The following WWC2 variants were observed in gnomAD, a reference collection of about 807,000 sequenced individuals.
The protein encoded by WWC2 is WW and C2 domain containing 2, also known as protein WWC2.
WWC2 carries 101 observed loss-of-function variants against 138.5 expected under a neutral mutation model. That is an observed-to-expected ratio of 0.73 (90% CI 0.62 to 0.86). The LOEUF is 0.86. Among genes scored for constraint, WWC2 ranks in the 40% least tolerant of loss-of-function variants. The pLI, the probability that WWC2 is intolerant of heterozygous loss-of-function variation, is 0.00. For synonymous variants in WWC2, 558 were observed against 538.4 expected (o/e 1.04, Z -0.50); for missense variants, 1,420 against 1,419.4 (o/e 1.00, Z -0.01).
chr4:183,166,145 C>G (rs1580004916), intron 1 of WWC2, among the ~76,000 whole-genome samples: 1 of 152,088 alleles, frequency 6.6e-6, no homozygotes, highest in Admixed American at 6.6e-5. Context: ...TTATGTTACT[C>G]CCTCCCCCAG....
intron 21 of WWC2, among the ~76,000 whole-genome samples, chr4:183,299,368 C>T (rs1469967639): frequency 6.6e-6 from 1 of 152,110 alleles, no homozygotes; most frequent in Admixed American, 6.5e-5. Context: ...GTCTTTGCTT[C>T]CTTCTGCTAC....
At chr4:183,296,207 A>C (rs1180912138) in intron 21 of WWC2, among the ~76,000 whole-genome samples, 1 of 152,348 alleles carries the variant, frequency 6.6e-6, no homozygotes, top group East Asian at 1.9e-4. Context: ...TACAAAGCCA[A>C]GTGAAGTTGG....
chr4:183,232,239 G>A (rs1054377616), intron 4 of WWC2, among the ~76,000 whole-genome samples: 5 of 152,236 alleles, frequency 3.3e-5, no homozygotes, highest in Non-Finnish European at 7.4e-5. Flanking sequence ...ATTTCCATTT[G>A]CTAGTTTATT....
chr4:183,239,331 A>C (rs1034162946), intron 4 of WWC2, among the ~76,000 whole-genome samples: 1 of 151,960 alleles, frequency 6.6e-6, no homozygotes, highest in Non-Finnish European at 1.5e-5. Flanking sequence ...AAACAAACAA[A>C]CAACAGAAAA....
chr4:183,186,097 C>T (rs111875440), intron 1 of WWC2, among the ~76,000 whole-genome samples: 6,590 of 151,884 alleles, frequency 0.043, 175 homozygotes, highest in Non-Finnish European at 0.064. Flanking sequence ...ACGAGCGCCC[C>T]CCACCACTCC....
chr4:183,152,327 T>C (rs1299755949), intron 1 of WWC2, among the ~76,000 whole-genome samples: 2 of 151,786 alleles, frequency 1.3e-5, no homozygotes, highest in Non-Finnish European at 2.9e-5. Context: ...AGTGAGACCC[T>C]GTCTCTACAA....
intron 1 of WWC2, among the ~76,000 whole-genome samples, chr4:183,152,001 A>G (rs1398050239): frequency 6.6e-6 from 1 of 152,200 alleles, no homozygotes; most frequent in Non-Finnish European, 1.5e-5. Context: ...ATTGGAATCT[A>G]GAATTGGGAT....
chr4:183,249,187 C>T (rs1327752915), intron 7 of WWC2, among the ~76,000 whole-genome samples: 2 of 152,058 alleles, frequency 1.3e-5, no homozygotes, highest in Non-Finnish European at 2.9e-5. Context: ...TAGGTCCTTT[C>T]AAATAAACAT....
In WWC2 at chr4:183,318,722, T is replaced by A. The variant is rs191914145; in HGVS notation, c.*2993T>A. On this transcript the variant is annotated 3_prime_UTR_variant, in exon 23 of 23. Transcript: ENST00000403733. Reference sequence around the variant, plus strand: ...GATAAAAAAGGACGAAGTATTTTCATTGAGCAAATAAAATGAAGGGCTCCA... The same window carrying A: ...GATAAAAAAGGACGAAGTATTTTCAATGAGCAAATAAAATGAAGGGCTCCA... 6.6e-6 allele frequency: 1 copy of A among 152,340 alleles called. No individual in the cohort carries two copies. The highest frequency in any genetic ancestry group is 2.4e-5 in the African/African-American group (1 of 41,580). The allele number at this position is 152,340 out of a possible 1,614,324, so 9.4% of individuals were successfully genotyped here.
At chr4:183,150,059 G>A (rs1561437044) in intron 1 of WWC2, among the ~76,000 whole-genome samples, 2 of 152,076 alleles carry the variant, frequency 1.3e-5, no homozygotes, top group Non-Finnish European at 2.9e-5. Context: ...CCTAGAAAGG[G>A]CCATTTGATA....
chr4:183,200,797 A>AGAGT (rs1477328078), intron 2 of WWC2, among the ~76,000 whole-genome samples: 1 of 152,176 alleles, frequency 6.6e-6, no homozygotes, highest in African/African-American at 2.4e-5. Context: ...AGGGAGAGAG[A>AGAGT]GAGTGAGCAG....
intron 7 of WWC2, among the ~76,000 whole-genome samples, chr4:183,249,113 G>A (rs1032054821): frequency 3.9e-5 from 6 of 152,044 alleles, no homozygotes; most frequent in Admixed American, 2.0e-4. Flanking sequence ...TTAGAGACAC[G>A]CTGAAAGGCT....
intron 21 of WWC2, among the ~76,000 whole-genome samples, chr4:183,298,983 T>C (rs1013017479): frequency 6.6e-6 from 1 of 152,214 alleles, no homozygotes; most frequent in Non-Finnish European, 1.5e-5. Context: ...TTTATCACAC[T>C]GTAGGAAACT....
intron 1 of WWC2, among the ~76,000 whole-genome samples, chr4:183,163,147 A>G (rs1734009035): frequency 6.6e-6 from 1 of 152,246 alleles, no homozygotes; most frequent in Non-Finnish European, 1.5e-5. Context: ...GGTGACGGTA[A>G]AAGGAAAGCA....
At chr4:183,114,009 T>G (rs1267966896) in intron 1 of WWC2, among the ~76,000 whole-genome samples, 3 of 152,176 alleles carry the variant, frequency 2.0e-5, no homozygotes, top group Admixed American at 2.0e-4. Context: ...TGGTATCCAT[T>G]TGGATTGCTA....
Position 183,249,922 on chromosome 4 carries a change from T to G in WWC2, c.882T>G (p.Ile294Met). 6.2e-7 allele frequency: 1 copy of G among 1,613,202 alleles called. No individual in the cohort carries two copies. Among genetic ancestry groups the G allele is most frequent in the Non-Finnish European group, 8.5e-7 (1 of 1,179,478 alleles). The change falls in exon 8 of 23, where the codon ATT (isoleucine) becomes ATG (methionine). Residue 294 changes from isoleucine (I) to methionine (M), a missense_variant and splice_region_variant. Transcript: ENST00000403733. The part of the protein sequence containing the change: ...AGSQTSISGD[I>M]GVRSRSNLAE... ...TTTCCTTTTTCTTTTTCCACTAGAT[T>G]GGAGTAAGAAGTAGATCAAATTTAG... is the stretch of plus-strand genomic sequence containing the variant.
At chr4:183,104,898 A>C (rs1743300689) in intron 1 of WWC2, among the ~76,000 whole-genome samples, 1 of 152,090 alleles carries the variant, frequency 6.6e-6, no homozygotes, top group African/African-American at 2.4e-5. Context: ...TTTTTAAATA[A>C]AATAAATATT....
chr4:183,199,164 G>T (rs898648933), intron 2 of WWC2, among the ~76,000 whole-genome samples: 1 of 152,178 alleles, frequency 6.6e-6, no homozygotes, highest in Non-Finnish European at 1.5e-5. Context: ...CAAGAAGCAG[G>T]ACTTGAGGAA....
intron 1 of WWC2, among the ~76,000 whole-genome samples, chr4:183,179,560 A>G (rs1047873897): frequency 6.6e-6 from 1 of 151,894 alleles, no homozygotes; most frequent in Non-Finnish European, 1.5e-5. Flanking sequence ...AGCCTACAGG[A>G]TGTTGACGGA....
Sources: gnomAD v4.1 joint callset for allele counts (sites outside exome capture counted in the v4.1 genomes callset) on GRCh38, gnomAD v4.1.1 for gene constraint, MANE v1.5 for transcripts, NCBI Gene and HGNC (gene_info 2026-07-23, HGNC 2026-07-21) for gene names.